The following MEI1 variants were observed in gnomAD, a reference collection of about 807,000 sequenced individuals.
MEI1 encodes meiotic double-stranded break formation protein 1, also known as meiosis inhibitor protein 1.
Under a neutral mutation model 146.2 loss-of-function variants are expected in MEI1, and 103 were observed. That is an observed-to-expected ratio of 0.70 (90% CI 0.60 to 0.83). MEI1 has a LOEUF of 0.83. Ranked by LOEUF, MEI1 falls within the 40% of genes least tolerant of loss-of-function variation. The pLI, the probability that MEI1 is intolerant of heterozygous loss-of-function variation, is 0.00. For missense variants in MEI1, 1,529 were observed against 1,533.0 expected (o/e 1.00, Z 0.04); for synonymous variants, 652 against 628.2 (o/e 1.04, Z -0.57).
chr22:41,717,949 A>AT (rs924256924), intron 5 of MEI1, 122 bp from the exon 6 acceptor site: 107 of 832,194 alleles, frequency 1.3e-4, no homozygotes, highest in Non-Finnish European at 1.3e-4. Flanking sequence ...TGCAGAAAGC[A>AT]TTTTTTGTGG....
At chr22:41,760,896 C>T (rs1209618137) in intron 18 of MEI1, among the ~76,000 whole-genome samples, 1 of 152,116 alleles carries the variant, frequency 6.6e-6, no homozygotes, top group Non-Finnish European at 1.5e-5. Context: ...AGGTTTAAGC[C>T]AGGCAGGCCC....
At chr22:41,790,098 T>G (rs949094542) in intron 26 of MEI1, among the ~76,000 whole-genome samples, 1 of 152,200 alleles carries the variant, frequency 6.6e-6, no homozygotes, top group Non-Finnish European at 1.5e-5. Flanking sequence ...TGTTTTGTTT[T>G]TTGAGACAGA....
In MEI1 at chr22:41,781,783, C is replaced by T; in HGVS notation, c.3025C>T (p.Leu1009Phe). 6.2e-7 allele frequency: 1 copy of T among 1,614,000 alleles called. No homozygotes were observed. Among genetic ancestry groups the T allele is most frequent in the Non-Finnish European group, 8.5e-7 (1 of 1,179,900 alleles). ...AKADSPRTALLCSAWLLTASF... is the reference protein window; with the variant it reads ...AKADSPRTALFCSAWLLTASF... The stretch of plus-strand genomic sequence containing the variant: ...GGCAGATTCTCCCAGGACTGCACTC[C>T]TCTGCTCTGCCTGGCTGCTCACTGC... Residue 1009 changes from leucine to phenylalanine, a missense_variant, in exon 24 of 31, where the codon CTC becomes TTC. This residue lies in a region of MEI1 where 313 missense variants were observed against 337.3 expected (regional missense o/e 0.93). Transcript: ENST00000401548.
At chr22:41,716,686 CTTT>C (rs55994680) in intron 5 of MEI1, among the ~76,000 whole-genome samples, 16 of 108,114 alleles carry the variant, frequency 1.5e-4, no homozygotes, top group South Asian at 3.2e-4. Flanking sequence ...TCCATTCATT[CTTT>C]TTTTTTTTTT....
rs1402559551 is a variant in MEI1, at chr22:41,716,157, T to A, written c.529+11T>A. The A allele has an allele frequency of 1.3e-6, 2 of 1,583,266 alleles. No homozygotes were observed. Among genetic ancestry groups the A allele is most frequent in the Non-Finnish European group, 1.7e-6 (2 of 1,159,560 alleles). ...TTGTAATGGAGCATGGTGAGTGACCTGTGGGAGGAGCTGCCACTACCCTTT... is the reference window on the plus strand; with the variant it reads ...TTGTAATGGAGCATGGTGAGTGACCAGTGGGAGGAGCTGCCACTACCCTTT... On this transcript the variant is annotated intron_variant, in intron 5 of 30. Transcript: ENST00000401548.
At chr22:41,756,993 T>G (rs1041015176) in intron 17 of MEI1, among the ~76,000 whole-genome samples, 2 of 152,264 alleles carry the variant, frequency 1.3e-5, no homozygotes, top group Non-Finnish European at 2.9e-5. Context: ...AATGGAAACA[T>G]GGCATGTCTT....
intron 11 of MEI1, among the ~76,000 whole-genome samples, chr22:41,736,778 C>G (rs2072409392): frequency 6.6e-6 from 1 of 152,098 alleles, no homozygotes. Flanking sequence ...TCAGGATTCT[C>G]TGTGAAAACT....
intron 26 of MEI1, among the ~76,000 whole-genome samples, chr22:41,789,406 C>G (rs1001868062): frequency 1.3e-5 from 2 of 152,112 alleles, no homozygotes; most frequent in African/African-American, 2.4e-5. Context: ...TCAAGCAATC[C>G]TCTGGCTTTG....
At chr22:41,704,420 T>C (rs902017183) in intron 2 of MEI1, among the ~76,000 whole-genome samples, 19 of 151,700 alleles carry the variant, frequency 1.3e-4, no homozygotes, top group Non-Finnish European at 1.9e-4. Context: ...TACCCTTTTT[T>C]TTTTTTTTTT....
At chr22:41,745,198 G>A in intron 13 of MEI1, 134 bp downstream of exon 13, 1 of 608,984 alleles carries the variant, frequency 1.6e-6, no homozygotes, top group Non-Finnish European at 2.6e-6. Flanking sequence ...CTTTGGCTGG[G>A]GTAGGGGTTG....
intron 1 of MEI1, among the ~76,000 whole-genome samples, chr22:41,700,125 C>A (rs527405854): frequency 4.6e-5 from 7 of 152,326 alleles, no homozygotes; most frequent in African/African-American, 1.7e-4. Context: ...CACTCACCTG[C>A]GGGCCAGGGG....
intron 27 of MEI1, 101 bp from the exon 28 acceptor site, chr22:41,794,270 C>T (rs1017202951): frequency 1.3e-5 from 13 of 1,001,314 alleles, no homozygotes. Context: ...TGCCCTGTCT[C>T]TAACTGGGTA....
Position 41,795,647 on chromosome 22 carries a change from G to C in MEI1, c.3667-88G>C. ...GGCCACAGCAACCAAGGAATGGGAG[G>C]AGGGAAGTACAGAGGATGGAGGCAG... On this transcript the variant is annotated intron_variant, in intron 29 of 30. Coordinates refer to ENST00000401548, the MANE Select transcript of MEI1 (RefSeq NM_152513.4). The surrounding 1 kb of genome is among the most constrained non-coding windows in gnomAD (Gnocchi z 4.2). 6.3e-7 allele frequency: 1 copy of C among 1,591,518 alleles called. No individual in the cohort carries two copies. The highest frequency in any genetic ancestry group is 8.6e-7 in the Non-Finnish European group (1 of 1,165,918).
At chr22:41,708,147 G>A (rs564212827) in intron 3 of MEI1, among the ~76,000 whole-genome samples, 6 of 152,170 alleles carry the variant, frequency 3.9e-5, no homozygotes, top group East Asian at 1.9e-4. Context: ...TTCTGTTACC[G>A]AAAGACTAAA....
intron 6 of MEI1, among the ~76,000 whole-genome samples, chr22:41,719,615 C>G (rs751034749): frequency 6.6e-6 from 1 of 152,184 alleles, no homozygotes; most frequent in Non-Finnish European, 1.5e-5. Context: ...ACCCGTAGGT[C>G]CCAGCTCCTG....
chr22:41,699,859 C>CCCGGA, intron 1 of MEI1, 147 bp downstream of exon 1: 1 of 1,102,530 alleles, frequency 9.1e-7, no homozygotes, highest in Non-Finnish European at 1.2e-6. Context: ...GTCAGCCCGT[C>CCCGGA]CCGGACCCGG....
intron 25 of MEI1, 76 bp from the exon 26 acceptor site, chr22:41,784,532 C>T: frequency 6.3e-7 from 1 of 1,595,352 alleles, no homozygotes; most frequent in East Asian, 2.2e-5. Flanking sequence ...TCTTCATTGT[C>T]TCCCATCCTG....
At chr22:41,765,883 C>CTTTTTTTT (rs1013045266) in intron 19 of MEI1, among the ~76,000 whole-genome samples, 2 of 86,134 alleles carry the variant, frequency 2.3e-5, no homozygotes, top group South Asian at 3.8e-4. Flanking sequence ...CCAAAATGTT[C>CTTTTTTTT]TTTTTTTTTT....
At chr22:41,748,467 T>G (rs2073495427) in intron 15 of MEI1, among the ~76,000 whole-genome samples, 1 of 151,942 alleles carries the variant, frequency 6.6e-6, no homozygotes, top group Non-Finnish European at 1.5e-5. Flanking sequence ...GAGGATCACC[T>G]GAGGCTAGGA....
Sources: gnomAD v4.1 joint callset for allele counts (sites outside exome capture counted in the v4.1 genomes callset) on GRCh38, gnomAD v4.1.1 for gene constraint, gnomAD v4.1.1 regional missense constraint, Gnocchi (gnomAD v3.1) non-coding constraint, MANE v1.5 for transcripts, NCBI Gene and HGNC (gene_info 2026-07-23, HGNC 2026-07-21) for gene names.